Variants in LINGO2 observed in about 807,000 individuals in gnomAD.
LINGO2 encodes leucine rich repeat and Ig domain containing 2.
In LINGO2, 14 loss-of-function variants were observed where a neutral mutation model predicts 30.6. That is an observed-to-expected ratio of 0.46 (90% CI 0.30 to 0.72). The LOEUF (loss-of-function observed/expected upper bound fraction) is 0.72, where lower values mean the gene tolerates loss of function less well. LINGO2 is among the 30% of genes least tolerant of loss of function. The pLI is 0.07. For synonymous variants in LINGO2, 317 were observed against 288.5 expected (o/e 1.10, Z -1.00); for missense variants, 729 against 751.7 (o/e 0.97, Z 0.35).
chr9:29,137,281 T>C, the LINGO2 span, among the ~76,000 whole-genome samples: 2 of 152,188 alleles, frequency 1.3e-5, no homozygotes, highest in Admixed American at 1.3e-4. Context: ...ATTTGCAGGA[T>C]AGGTTAACTA....
Position 28,199,421 on chromosome 9 carries a change from C to A in LINGO2, c.-87+95787G>T, listed in dbSNP as rs538827175. On this transcript the variant is annotated intron_variant, in intron 4 of 5. Coordinates refer to ENST00000379992, the Ensembl canonical transcript of LINGO2. ...TGGCGCGATCTTGGCTCACTGCAAG[C>A]TCCGCCTCCCGGGTTCACGCCATTC... 2.6e-5 allele frequency among the ~76,000 whole-genome samples: 4 copies of A among 151,634 alleles called. No homozygotes were observed. In the South Asian group the frequency reaches 8.3e-4, roughly 32 times the overall value.
intron 4 of LINGO2, among the ~76,000 whole-genome samples, chr9:28,101,563 A>G (rs549310168): frequency 3.9e-5 from 6 of 152,300 alleles, no homozygotes; most frequent in East Asian, 1.9e-4. Context: ...CTTTTTCATC[A>G]TTCCTAAATT....
intron 5 of LINGO2, among the ~76,000 whole-genome samples, chr9:27,960,614 CTTTTTTT>C (rs540319420): frequency 0.024 from 2,907 of 122,300 alleles, 105 homozygotes; most frequent in African/African-American, 0.077. Flanking sequence ...TGTGGTATAT[CTTTTTTT>C]TTTTTTTTTT....
intron 4 of LINGO2, among the ~76,000 whole-genome samples, chr9:28,029,950 G>A (rs1823585398): frequency 6.6e-6 from 1 of 152,120 alleles, no homozygotes; most frequent in South Asian, 2.1e-4. Flanking sequence ...TGAAGGAGAG[G>A]ACAATTCAAG....
the LINGO2 span, among the ~76,000 whole-genome samples, chr9:29,127,816 G>A: frequency 6.6e-6 from 1 of 152,064 alleles, no homozygotes; most frequent in Non-Finnish European, 1.5e-5. Context: ...GATGCAATTG[G>A]CAGTGGCAAC....
the LINGO2 span, among the ~76,000 whole-genome samples, chr9:28,922,371 G>A: frequency 6.7e-6 from 1 of 148,822 alleles, no homozygotes; most frequent in East Asian, 2.1e-4. Flanking sequence ...TCTGCAAAGA[G>A]TCAGATTTTT....
At chr9:28,004,976 G>A (rs1030755511) in intron 5 of LINGO2, among the ~76,000 whole-genome samples, 1 of 152,198 alleles carries the variant, frequency 6.6e-6, no homozygotes, top group Non-Finnish European at 1.5e-5. Flanking sequence ...GAACATGGGA[G>A]GCTTTTTCTT....
intron 4 of LINGO2, among the ~76,000 whole-genome samples, chr9:28,213,271 A>G (rs1820654536): frequency 6.6e-6 from 1 of 151,492 alleles, no homozygotes; most frequent in African/African-American, 2.4e-5. Context: ...GGAGGATGGA[A>G]GTAGAGTTAT....
the LINGO2 span, among the ~76,000 whole-genome samples, chr9:28,874,623 G>A: frequency 6.6e-6 from 1 of 151,918 alleles, no homozygotes; most frequent in Non-Finnish European, 1.5e-5. Flanking sequence ...AATCTTCAGT[G>A]GTGGAACCAG....
At chr9:28,597,503 C>G (rs982784576) in intron 1 of LINGO2, among the ~76,000 whole-genome samples, 20 of 152,132 alleles carry the variant, frequency 1.3e-4, no homozygotes, top group African/African-American at 4.6e-4. Flanking sequence ...TGTATCTTAA[C>G]AAAGCTAGGC....
At chr9:29,051,280 T>C in the LINGO2 span, among the ~76,000 whole-genome samples, 2 of 152,132 alleles carry the variant, frequency 1.3e-5, no homozygotes, top group Non-Finnish European at 2.9e-5. Flanking sequence ...CTAAAAATCT[T>C]CCCTGTTCTG....
chr9:28,744,812 T>C, the LINGO2 span, among the ~76,000 whole-genome samples: 6 of 151,828 alleles, frequency 4.0e-5, no homozygotes, highest in South Asian at 8.3e-4. Flanking sequence ...AATTTTTGTA[T>C]TTTTGGTGGA....
At chr9:28,878,503 C>A in the LINGO2 span, among the ~76,000 whole-genome samples, 1 of 152,120 alleles carries the variant, frequency 6.6e-6, no homozygotes, top group East Asian at 1.9e-4. Context: ...CCAGCATCAT[C>A]CTGATACCAA....
the LINGO2 span, among the ~76,000 whole-genome samples, chr9:28,861,986 G>C: frequency 1.3e-5 from 2 of 152,018 alleles, no homozygotes; most frequent in Non-Finnish European, 2.9e-5. Flanking sequence ...AAAATATTGT[G>C]ACTTCCTTCT....
chr9:28,241,061 G>C (rs1821767111), intron 4 of LINGO2, among the ~76,000 whole-genome samples: 1 of 151,972 alleles, frequency 6.6e-6, no homozygotes, highest in African/African-American at 2.4e-5. Flanking sequence ...ATGAGGTCAG[G>C]AGATCAAGAC....
chr9:28,381,541 T>C lies in LINGO2; in HGVS notation c.-278-8673A>G, dbSNP rs559287415. Among the ~76,000 whole-genome samples the C allele has an allele frequency of 1.2e-4, 19 of 152,194 alleles. No homozygotes were observed. In the East Asian group the frequency reaches 3.3e-3, roughly 26 times the overall value. On this transcript the variant is annotated intron_variant, in intron 2 of 5. Transcript: ENST00000379992. ...GGCTGGAATGTATATGCCAACACAT[T>C]TGTATCTTGAATATATAAAACCATA...
intron 2 of LINGO2, among the ~76,000 whole-genome samples, chr9:28,449,218 C>T (rs1030960741): frequency 1.3e-5 from 2 of 152,050 alleles, no homozygotes; most frequent in African/African-American, 4.8e-5. Context: ...CACTAGCTGT[C>T]TCCACTGTAT....
rs148898621 is a variant in LINGO2 at position 28,448,402 on chromosome 9, G to A, written c.-279+27538C>T. On this transcript the variant is annotated intron_variant, in intron 2 of 5. Coordinates refer to ENST00000379992, the Ensembl canonical transcript of LINGO2. ...AGGCCATAGAGTCAGAAAGCATTCT[G>A]ATGTTTAAATTTCAAGGCTCATATT... 1.2e-3 allele frequency among the ~76,000 whole-genome samples: 182 copies of A among 152,202 alleles called. 2 individuals are homozygous for A. Among genetic ancestry groups the A allele is most frequent in the African/African-American group, 4.2e-3 (175 of 41,556 alleles).
chr9:29,063,743 T>C, the LINGO2 span, among the ~76,000 whole-genome samples: 3 of 152,136 alleles, frequency 2.0e-5, no homozygotes, highest in African/African-American at 7.2e-5. Flanking sequence ...AGTGGTCATC[T>C]TTCTCCGTTA....
Sources: allele counts gnomAD v4.1 joint callset (sites outside exome capture counted in the v4.1 genomes callset), GRCh38; gene constraint gnomAD v4.1.1; transcripts MANE v1.5; gene names NCBI Gene and HGNC (gene_info 2026-07-23, HGNC 2026-07-21).